The following METTL2A variants were observed in gnomAD, a reference collection of about 807,000 sequenced individuals.
METTL2A encodes the protein methyltransferase 2A, tRNA N3-cytidine.
METTL2A carries 45 observed loss-of-function variants against 49.4 expected under a neutral mutation model. The ratio of observed to expected loss-of-function variants is 0.91; its 90% CI spans 0.72 to 1.17. The LOEUF (loss-of-function observed/expected upper bound fraction) is 1.17, where lower values mean the gene tolerates loss of function less well. Among genes scored for constraint, METTL2A ranks in the 50% most tolerant of loss-of-function variants. The probability of loss-of-function intolerance (pLI) is 0.00; values close to 1 mark genes in which losing one functional copy is unlikely to be tolerated. For missense variants in METTL2A, 361 were observed against 462.2 expected (o/e 0.78, Z 2.01); for synonymous variants, 118 against 167.5 (o/e 0.70, Z 2.28).
chr17:62,442,734 C>A (rs1455571541), intron 6 of METTL2A, among the ~76,000 whole-genome samples: 5 of 152,188 alleles, frequency 3.3e-5, no homozygotes, highest in Non-Finnish European at 5.9e-5. Context: ...CCCATGAAAT[C>A]ATGAGATTAG....
intron 5 of METTL2A, 22 bp from the exon 6 acceptor site, chr17:62,440,595 T>G: frequency 6.3e-7 from 1 of 1,597,956 alleles, no homozygotes; most frequent in Non-Finnish European, 8.5e-7. Context: ...CTAACTTACC[T>G]GTGTCTTCCA....
intron 7 of METTL2A, among the ~76,000 whole-genome samples, chr17:62,447,227 T>G (rs1332111652): frequency 6.6e-6 from 1 of 152,186 alleles, no homozygotes; most frequent in African/African-American, 2.4e-5. Flanking sequence ...GAGACCAGCC[T>G]GGCCAACATG....
intron 4 of METTL2A, among the ~76,000 whole-genome samples, chr17:62,432,492 G>C (rs1243618698): frequency 6.6e-6 from 1 of 152,016 alleles, no homozygotes; most frequent in Non-Finnish European, 1.5e-5. Flanking sequence ...AACATAGTGA[G>C]ACCCTGTCTC....
In METTL2A at chr17:62,447,737, A is replaced by G; in HGVS notation, c.953A>G (p.Asp318Gly). Residue 318 changes from aspartate (D) to glycine (G), a missense_variant, in exon 8 of 9, where the codon GAT (aspartate) becomes GGT (glycine). Physicochemically the swap from Asp to Gly is moderately conservative, Grantham distance 94. Transcript: ENST00000311506. ...CLSGNFYVRG[D>G]GTRVYFFTQE... ...TCTGGAAATTTCTACGTGAGAGGTGATGGAACCAGAGTTTACTTCTTCACA... is the reference window on the plus strand; with the variant it reads ...TCTGGAAATTTCTACGTGAGAGGTGGTGGAACCAGAGTTTACTTCTTCACA... The G allele has an allele frequency of 1.2e-6, 2 of 1,614,200 alleles. No individual in the cohort carries two copies. The highest frequency in any genetic ancestry group is 1.7e-6 in the Non-Finnish European group (2 of 1,180,010).
chr17:62,428,630 G>A (rs999691242), intron 4 of METTL2A, among the ~76,000 whole-genome samples: 1 of 152,204 alleles, frequency 6.6e-6, no homozygotes, highest in Non-Finnish European at 1.5e-5. Context: ...TTACATTTAT[G>A]TGTTTGTTAT....
intron 5 of METTL2A, among the ~76,000 whole-genome samples, chr17:62,439,417 G>GGTTTGTTT (rs201222454): frequency 6.7e-6 from 1 of 150,176 alleles, no homozygotes; most frequent in African/African-American, 2.5e-5. Context: ...TCGTGCTTTT[G>GGTTTGTTT]GTTTGTTTGT....
chr17:62,441,076 G>A (rs1324152429), intron 6 of METTL2A, among the ~76,000 whole-genome samples: 4 of 152,208 alleles, frequency 2.6e-5, no homozygotes, highest in African/African-American at 9.6e-5. Context: ...AAAGTGCTGG[G>A]ATTATAGGTG....
intron 5 of METTL2A, among the ~76,000 whole-genome samples, chr17:62,438,973 A>ATT (rs1167283450): frequency 0.013 from 1,186 of 93,414 alleles, 44 homozygotes; most frequent in African/African-American, 0.031. Flanking sequence ...CACTTGGCTA[A>ATT]TTTTTTTTTT....
Position 62,448,572 on chromosome 17 carries a change from T to C in METTL2A, c.983-3T>C, listed in dbSNP as rs2070783915. On this transcript the variant is annotated splice_region_variant and splice_polypyrimidine_tract_variant and intron_variant, in intron 8 of 8. Coordinates refer to ENST00000311506, the MANE Select transcript of METTL2A (RefSeq NM_181725.4). ...CATAAACATCTTTTATTTTCCACAC[T>C]AGAGGAACTGGACACGCTTTTCACC... The C allele has an allele frequency of 6.2e-7, 1 of 1,613,732 alleles. No homozygotes were observed. The highest frequency in any genetic ancestry group is 1.7e-5 in the Admixed American group (1 of 59,892).
rs1488261086 is a variant in METTL2A, at chr17:62,451,339, A to G, written c.*2610A>G. ...TTTTTTGTATTTTTAGTAGAGACAG[A>G]GTTTCTCCATGTTGGTCAGGCTGAT... On this transcript the variant is annotated 3_prime_UTR_variant, in exon 9 of 9. Transcript: ENST00000311506. 4.0e-5 allele frequency among the ~76,000 whole-genome samples: 6 copies of G among 150,802 alleles called. No homozygotes were observed. Among genetic ancestry groups the G allele is most frequent in the Non-Finnish European group, 7.4e-5 (5 of 67,652 alleles).
chr17:62,425,269 G>T (rs2070615768), intron 2 of METTL2A, among the ~76,000 whole-genome samples: 1 of 151,038 alleles, frequency 6.6e-6, no homozygotes, highest in Non-Finnish European at 1.5e-5. Flanking sequence ...TGCTCAATTT[G>T]TTAGGTTTTT....
At chr17:62,438,973 ATT>A (rs1167283450) in intron 5 of METTL2A, among the ~76,000 whole-genome samples, 9 of 93,550 alleles carry the variant, frequency 9.6e-5, no homozygotes, top group African/African-American at 9.1e-5. Context: ...CACTTGGCTA[ATT>A]TTTTTTTTTT....
chr17:62,448,176 T>C (rs1173240335), intron 8 of METTL2A, among the ~76,000 whole-genome samples: 1 of 152,226 alleles, frequency 6.6e-6, no homozygotes, highest in Non-Finnish European at 1.5e-5. Context: ...ATCCACAGGC[T>C]TCATCCTTCA....
intron 4 of METTL2A, among the ~76,000 whole-genome samples, chr17:62,432,578 T>C (rs562185058): frequency 6.6e-6 from 1 of 152,128 alleles, no homozygotes; most frequent in East Asian, 1.9e-4. Context: ...GACGGGCAGA[T>C]CACAAGGTCA....
chr17:62,442,333 T>G (rs2070743566), intron 6 of METTL2A, among the ~76,000 whole-genome samples: 1 of 152,020 alleles, frequency 6.6e-6, no homozygotes, highest in Non-Finnish European at 1.5e-5. Flanking sequence ...TGGAGTGCAG[T>G]GGTGAGATTT....
intron 4 of METTL2A, among the ~76,000 whole-genome samples, chr17:62,433,124 A>G (rs2070677440): frequency 6.6e-6 from 1 of 152,030 alleles, no homozygotes; most frequent in African/African-American, 2.4e-5. Flanking sequence ...CAACTATATG[A>G]CCTGTAGAAA....
chr17:62,424,537 G>A (rs145877261), intron 2 of METTL2A, among the ~76,000 whole-genome samples: 1,605 of 152,268 alleles, frequency 0.011, 25 homozygotes, highest in African/African-American at 0.037. Flanking sequence ...TTACTTTGGA[G>A]GAGGGTAATG....
At position 62,449,016 on chromosome 17, in the gene METTL2A, A is replaced by G. The variant is rs371526435; in HGVS notation, c.*287A>G. Reference sequence around the variant, plus strand: ...CTAGGAAAAGTTACTTTGTATCAGGATTCTAACAATTATGCTTCATATTTG... The same window carrying G: ...CTAGGAAAAGTTACTTTGTATCAGGGTTCTAACAATTATGCTTCATATTTG... On this transcript the variant is annotated 3_prime_UTR_variant, in exon 9 of 9. Coordinates refer to ENST00000311506, the MANE Select transcript of METTL2A (RefSeq NM_181725.4). 9.2e-6 allele frequency: 3 copies of G among 325,464 alleles called. No homozygotes were observed. The highest frequency in any genetic ancestry group is 4.4e-5 in the Admixed American group (1 of 22,534). 20.2% of individuals were successfully genotyped at this position (325,464 alleles called of 1,614,324 possible). A position where few individuals can be genotyped will look rare whatever the true frequency, so the allele number is the denominator to read the frequency against.
In METTL2A at chr17:62,440,605, A is replaced by G. The variant is rs1483243304; in HGVS notation, c.670-12A>G. 1.2e-6 allele frequency: 2 copies of G among 1,603,846 alleles called. No homozygotes were observed. The highest frequency in any genetic ancestry group is 1.7e-6 in the Non-Finnish European group (2 of 1,177,254). On this transcript the variant is annotated splice_polypyrimidine_tract_variant and intron_variant, in intron 5 of 8. Transcript: ENST00000311506. ...ATTTTCTAACTTACCTGTGTCTTCC[A>G]TCTGTCTGCAGACAAATTCAGAATA...
Sources: gnomAD v4.1 joint callset for allele counts (sites outside exome capture counted in the v4.1 genomes callset) on GRCh38, gnomAD v4.1.1 for gene constraint, MANE v1.5 for transcripts, NCBI Gene and HGNC (gene_info 2026-07-23, HGNC 2026-07-21) for gene names.